The following ATAD3A variants were observed in gnomAD, a reference collection of about 807,000 sequenced individuals.
ATAD3A encodes ATPase family AAA domain containing 3A.
In ATAD3A, 46 loss-of-function variants were observed where a neutral mutation model predicts 73.8. The ratio of observed to expected loss-of-function variants is 0.62; its 90% CI spans 0.49 to 0.80. The LOEUF is 0.80. Among genes scored for constraint, ATAD3A ranks in the 30% least tolerant of loss-of-function variants. The pLI is 0.00. For missense variants in ATAD3A, 705 were observed against 838.0 expected, an observed-to-expected ratio of 0.84 and a Z score of 1.96; for synonymous variants, 319 against 350.0, an observed-to-expected ratio of 0.91 and a Z score of 0.99.
At chr1:1,522,962 A>G in intron 8 of ATAD3A, 63 bp downstream of exon 8, 2 of 1,579,648 alleles carry the variant, frequency 1.3e-6, no homozygotes. Context: ...CTGCCCCACG[A>G]GCACAGCCCA....
chr1:1,529,779 G>C (rs1384712024), intron 15 of ATAD3A, among the ~76,000 whole-genome samples: 1 of 152,212 alleles, frequency 6.6e-6, no homozygotes, highest in Non-Finnish European at 1.5e-5. Context: ...GGTGGGAGTG[G>C]CCTCTGGTTG....
chr1:1,524,646 T>G (rs1641737218), intron 11 of ATAD3A, among the ~76,000 whole-genome samples: 1 of 129,682 alleles, frequency 7.7e-6, no homozygotes, highest in South Asian at 2.5e-4. Flanking sequence ...GGGAGGTGGG[T>G]GGGTGCAGGG....
chr1:1,531,898 CCT>C (rs1252155310), intron 15 of ATAD3A, among the ~76,000 whole-genome samples: 2 of 151,924 alleles, frequency 1.3e-5, no homozygotes, highest in Admixed American at 6.5e-5. Context: ...TGATCTGCCC[CCT>C]TTGTCCTCCC....
intron 15 of ATAD3A, among the ~76,000 whole-genome samples, chr1:1,529,888 C>G (rs1294272847): frequency 2.0e-5 from 3 of 152,192 alleles, no homozygotes; most frequent in Admixed American, 6.5e-5. Context: ...GCGTGGCCAT[C>G]CAGAAAGCTT....
intron 14 of ATAD3A, among the ~76,000 whole-genome samples, chr1:1,528,988 G>T (rs1274813414): frequency 6.6e-6 from 1 of 152,232 alleles, no homozygotes; most frequent in Non-Finnish European, 1.5e-5. Flanking sequence ...AGCAGCTGTG[G>T]GCAGGGCTGG....
chr1:1,518,603 CCACACACGGGCGTACACA>C (rs1296451689), intron 4 of ATAD3A, among the ~76,000 whole-genome samples: 20 of 135,016 alleles, frequency 1.5e-4, no homozygotes, highest in African/African-American at 3.8e-4. Flanking sequence ...GGGCACACAC[CCACACACGGGCGTACACA>C]CCCCCCCCCA....
chr1:1,527,801 G>C lies in ATAD3A; in HGVS notation c.1444G>C (p.Glu482Gln). The C allele has an allele frequency of 6.2e-7, 1 of 1,614,028 alleles. No individual in the cohort carries two copies. Among genetic ancestry groups the C allele is most frequent in the Non-Finnish European group, 8.5e-7 (1 of 1,179,982 alleles). The stretch of plus-strand genomic sequence containing the variant: ...CGACCTGCCAGGGCAGGAGGAACGG[G>C]AGCGCCTGGTGAGAATGTATTTTGA... ...HFDLPGQEERERLVRMYFDKY... is the reference protein window; with the variant it reads ...HFDLPGQEERQRLVRMYFDKY... Residue 482 changes from glutamate (E) to glutamine (Q), a missense_variant, in exon 14 of 16, where the codon GAG becomes CAG. Glu to Gln is a conservative substitution (Grantham distance 29). This residue lies in a region of ATAD3A where 252 missense variants were observed against 278.5 expected (regional missense o/e 0.90). Transcript: ENST00000378756.
Position 1,529,309 on chromosome 1 carries a change from C to T in ATAD3A, c.1592C>T (p.Ala531Val). ...GAGGGCATGTCGGGCCGGGAGATCG[C>T]TCAGCTGGCCGTGTCCTGGCAGGTG... ...LTEGMSGREIAQLAVSWQATA... is the reference protein window; with the variant it reads ...LTEGMSGREIVQLAVSWQATA... The change falls in exon 15 of 16, where the codon GCT becomes GTT. Residue 531 changes from alanine to valine, a missense_variant. Physicochemically the swap from Ala to Val is moderately conservative, Grantham distance 64 (BLOSUM62 0). Coordinates refer to ENST00000378756, the MANE Select transcript of ATAD3A (RefSeq NM_001170535.3). 1 of 1,596,756 alleles carries T rather than the reference C, an allele frequency of 6.3e-7. No individual in the cohort carries two copies. Among genetic ancestry groups the T allele is most frequent in the Non-Finnish European group, 8.5e-7 (1 of 1,172,766 alleles).
intron 13 of ATAD3A, chr1:1,527,045 C>T (rs1373831298): frequency 3.3e-6 from 2 of 599,316 alleles, no homozygotes; most frequent in Non-Finnish European, 5.1e-6. Flanking sequence ...CTTTGTGTGG[C>T]CTCTGTGGGC....
chr1:1,515,167 T>C (rs1641317265), intron 1 of ATAD3A, among the ~76,000 whole-genome samples: 1 of 152,206 alleles, frequency 6.6e-6, no homozygotes, highest in Non-Finnish European at 1.5e-5. Flanking sequence ...AGCCTCTGTC[T>C]CCGGGGTTCA....
Position 1,523,916 on chromosome 1 carries a change from C to T in ATAD3A, c.1041C>T (p.Asn347=). ...NTKKNRSLYR[N]ILMYGPPGTG... is the part of the protein sequence containing the mutation. ...AGAAGAACCGCAGCCTGTACAGGAACATCCTGATGTACGGGCCACCAGGCA... is the reference window on the plus strand; with the variant it reads ...AGAAGAACCGCAGCCTGTACAGGAATATCCTGATGTACGGGCCACCAGGCA... The change falls in exon 10 of 16, where the codon AAC becomes AAT. Residue 347 remains asparagine, a synonymous_variant. Coordinates refer to ENST00000378756, the MANE Select transcript of ATAD3A (RefSeq NM_001170535.3). The surrounding 1 kb of genome is among the most constrained non-coding windows in gnomAD (Gnocchi z 5.1). 1.2e-6 allele frequency: 2 copies of T among 1,614,078 alleles called. No individual in the cohort carries two copies. The highest frequency in any genetic ancestry group is 1.3e-5 in the African/African-American group (1 of 75,062).
rs142978876 is a variant in ATAD3A, at chr1:1,524,294, A to G, written c.1111A>G (p.Met371Val). Residue 371 changes from methionine to valine, a missense_variant, in exon 11 of 16, where the codon ATG becomes GTG. By Grantham distance (21) the Met-to-Val change is conservative. Coordinates refer to ENST00000378756, the MANE Select transcript of ATAD3A (RefSeq NM_001170535.3). ...CCAGAAACTCGCCCTGCACTCAGGC[A>G]TGGACTACGCCATCATGACAGGCGG... ...FAKKLALHSG[M>V]DYAIMTGGDV... The G allele has an allele frequency of 5.6e-6, 9 of 1,613,696 alleles. No homozygotes were observed. The East Asian group carries it at 1.1e-4, about 20-fold the overall frequency.
chr1:1,527,662 C>T (rs755256131), intron 13 of ATAD3A, 33 bp from the exon 14 acceptor site: 11 of 1,586,938 alleles, frequency 6.9e-6, no homozygotes, highest in Non-Finnish European at 8.6e-6. Flanking sequence ...GGCCGGCAGC[C>T]CCAGCATCCT....
In ATAD3A at chr1:1,523,969, G is replaced by C; in HGVS notation, c.1089+5G>C. On this transcript the variant is annotated splice_donor_5th_base_variant and intron_variant, in intron 10 of 15. Transcript: ENST00000378756. The surrounding 1 kb of genome is among the most constrained non-coding windows in gnomAD (Gnocchi z 5.1). Reference sequence around the variant, plus strand: ...GGGAAGACGCTGTTTGCCAAGGTGAGAGCGCCTGGCTGAACAGGTGGGCCA... The same window carrying C: ...GGGAAGACGCTGTTTGCCAAGGTGACAGCGCCTGGCTGAACAGGTGGGCCA... 6.2e-7 allele frequency: 1 copy of C among 1,613,798 alleles called. No individual in the cohort carries two copies. The highest frequency in any genetic ancestry group is 1.1e-5 in the South Asian group (1 of 91,086).
chr1:1,518,772 G>A, intron 4 of ATAD3A, 149 bp from the exon 5 acceptor site: 1 of 1,504,928 alleles, frequency 6.6e-7, no homozygotes, highest in African/African-American at 1.4e-5. Context: ...GCACATTCGG[G>A]CACCGTCACC....
chr1:1,514,829 G>T (rs894635569), intron 1 of ATAD3A, among the ~76,000 whole-genome samples: 4 of 152,144 alleles, frequency 2.6e-5, no homozygotes, highest in Admixed American at 6.5e-5. Context: ...GGAGCATCGG[G>T]GGTCCCTGCC....
intron 15 of ATAD3A, among the ~76,000 whole-genome samples, chr1:1,533,276 C>T (rs1642096959): frequency 2.6e-5 from 4 of 152,158 alleles, no homozygotes; most frequent in Admixed American, 2.6e-4. Context: ...TGACCCTGAC[C>T]CACGGGTGCC....
At chr1:1,513,610 C>T (rs191607210) in intron 1 of ATAD3A, among the ~76,000 whole-genome samples, 24 of 152,276 alleles carry the variant, frequency 1.6e-4, no homozygotes, top group Non-Finnish European at 3.5e-4. Context: ...GATTGTGTTC[C>T]AGGTGTGGGC....
At chr1:1,524,778 C>T (rs1570344582) in intron 11 of ATAD3A, among the ~76,000 whole-genome samples, 1 of 147,534 alleles carries the variant, frequency 6.8e-6, no homozygotes, top group Non-Finnish European at 1.5e-5. Flanking sequence ...TAGCTGAAGA[C>T]AGCATGGCAC....
Sources: allele counts gnomAD v4.1 joint callset (sites outside exome capture counted in the v4.1 genomes callset), GRCh38; gene constraint gnomAD v4.1.1; regional missense constraint gnomAD v4.1.1; non-coding constraint Gnocchi (gnomAD v3.1); transcripts MANE v1.5; gene names NCBI Gene and HGNC (gene_info 2026-07-23, HGNC 2026-07-21).